PGAP1: variants seen among roughly 807,000 people sequenced by gnomAD.
The protein encoded by PGAP1 is post-GPI attachment to proteins inositol deacylase 1.
Under a neutral mutation model 127.0 loss-of-function variants are expected in PGAP1, and 76 were observed. The observed-to-expected ratio is 0.60, with a 90% confidence interval of 0.50 to 0.72. PGAP1 has a LOEUF of 0.72. Ranked by LOEUF, PGAP1 falls within the 30% of genes least tolerant of loss-of-function variation. PGAP1 has a pLI of 0.00. For missense variants in PGAP1, 982 were observed against 1,071.3 expected, an observed-to-expected ratio of 0.92 and a Z score of 1.16; for synonymous variants, 362 against 366.5, an observed-to-expected ratio of 0.99 and a Z score of 0.14.
chr2:196,901,999 T>C (rs1487034659), intron 5 of PGAP1, among the ~76,000 whole-genome samples: 2 of 152,132 alleles, frequency 1.3e-5, no homozygotes, highest in Non-Finnish European at 2.9e-5. Flanking sequence ...TCATCAAGTT[T>C]CTAAGATCCT....
chr2:196,912,795 C>T, intron 4 of PGAP1, 87 bp downstream of exon 4: 1 of 1,258,684 alleles, frequency 7.9e-7, no homozygotes, highest in Non-Finnish European at 1.1e-6. Context: ...AAATCTGTAG[C>T]ATACTCCTAG....
intron 19 of PGAP1, among the ~76,000 whole-genome samples, chr2:196,866,540 C>G (rs963057446): frequency 6.6e-6 from 1 of 152,092 alleles, no homozygotes; most frequent in Non-Finnish European, 1.5e-5. Context: ...CTAGGCAATA[C>G]CATTCAGGAC....
chr2:196,917,647 C>T (rs1437707431), intron 2 of PGAP1, among the ~76,000 whole-genome samples: 1 of 151,910 alleles, frequency 6.6e-6, no homozygotes, highest in East Asian at 1.9e-4. Flanking sequence ...CAAGGTTCAC[C>T]CATGTTGTGA....
In PGAP1 at chr2:196,922,577, GACACACACACACACAC is replaced by G. The variant is rs59881211; in HGVS notation, c.148-2443_148-2428del. On this transcript the variant is annotated intron_variant, in intron 1 of 26. Transcript: ENST00000354764. ...CATACTGCTAACACACACACACACA[GACACACACACACACAC>G]ACACACACACACACACACACACAAC... 70 of 388,364 alleles carry G rather than the reference GACACACACACACACAC, an allele frequency of 1.8e-4. No homozygotes were observed. In the Admixed American group the frequency reaches 2.6e-3, roughly 15 times the overall value. 24.1% of individuals were successfully genotyped at this position (388,364 alleles called of 1,614,324 possible). A position where few individuals can be genotyped will look rare whatever the true frequency, so the allele number is the denominator to read the frequency against.
chr2:196,888,046 T>TC (rs771312984), intron 10 of PGAP1, among the ~76,000 whole-genome samples: 1 of 152,220 alleles, frequency 6.6e-6, no homozygotes, highest in Non-Finnish European at 1.5e-5. Context: ...GAATTCTGAC[T>TC]CATTCATCAA....
rs898721882 is a variant in PGAP1 at position 196,844,450 on chromosome 2, A to C, written c.2337+74T>G. 6 of 652,118 alleles carry C rather than the reference A, an allele frequency of 9.2e-6. No homozygotes were observed. In the African/African-American group the frequency reaches 1.4e-4, roughly 15 times the overall value. 40.4% of individuals were successfully genotyped at this position (652,118 alleles called of 1,614,324 possible). On this transcript the variant is annotated intron_variant, in intron 24 of 26. Transcript: ENST00000354764. ...TTAAGCACTATGAAATACTAACCTT[A>C]AAAAAAAAAACTCTTATATTTCCCC...
chr2:196,847,848 T>A, intron 21 of PGAP1, 99 bp downstream of exon 21: 1 of 877,910 alleles, frequency 1.1e-6, no homozygotes. Flanking sequence ...ACAAGTCAAC[T>A]GCCAAATCTG....
At chr2:196,856,846 A>G (rs779949863) in intron 20 of PGAP1, among the ~76,000 whole-genome samples, 40 of 152,204 alleles carry the variant, frequency 2.6e-4, no homozygotes, top group Non-Finnish European at 5.3e-4. Flanking sequence ...GTTCAAAACT[A>G]TTATGCAAAC....
chr2:196,883,876 G>A (rs796705803), intron 12 of PGAP1, among the ~76,000 whole-genome samples: 25 of 152,224 alleles, frequency 1.6e-4, no homozygotes, highest in African/African-American at 6.0e-4. Context: ...CTCCTAAGCT[G>A]AGAACACACA....
At chr2:196,919,091 C>A (rs547245687) in intron 2 of PGAP1, among the ~76,000 whole-genome samples, 2 of 152,268 alleles carry the variant, frequency 1.3e-5, no homozygotes, top group South Asian at 4.1e-4. Flanking sequence ...CAAATGTCAT[C>A]TCCTCACAAT....
At chr2:196,885,801 T>G in intron 11 of PGAP1, 33 bp downstream of exon 11, 3 of 1,355,678 alleles carry the variant, frequency 2.2e-6, no homozygotes, top group South Asian at 2.1e-5. Flanking sequence ...TTGTTTATGT[T>G]GAGATAAATG....
Position 196,848,463 on chromosome 2 carries a change from A to AC in PGAP1, c.1862-427dup, listed in dbSNP as rs1173315744. ...AAAAGAAAGTTTTCTTTTAACTATT[A>AC]CCCCCCAAATTCCCATCCTTTGGCA... On this transcript the variant is annotated intron_variant, in intron 20 of 26. Coordinates refer to ENST00000354764, the MANE Select transcript of PGAP1 (RefSeq NM_024989.4). Among the ~76,000 whole-genome samples the AC allele has an allele frequency of 3.9e-5, 6 of 151,974 alleles. No homozygotes were observed. The East Asian group carries it at 9.7e-4, about 24-fold the overall frequency.
intron 10 of PGAP1, among the ~76,000 whole-genome samples, chr2:196,889,858 CAAAAAAAAAAA>C (rs979436427): frequency 1.1e-4 from 5 of 43,982 alleles, no homozygotes; most frequent in Admixed American, 9.1e-4. Context: ...GACTCCGTCT[CAAAAAAAAAAA>C]AAAAAAAAAG....
intron 4 of PGAP1, among the ~76,000 whole-genome samples, chr2:196,911,855 T>C (rs55791362): frequency 6.6e-6 from 1 of 152,156 alleles, no homozygotes; most frequent in Non-Finnish European, 1.5e-5. Context: ...AACTCCTACT[T>C]TTCATTCAAA....
intron 7 of PGAP1, among the ~76,000 whole-genome samples, chr2:196,893,988 T>G (rs16859242): frequency 0.017 from 2,543 of 152,294 alleles, 75 homozygotes; most frequent in African/African-American, 0.058. Flanking sequence ...CCAGGTCTAC[T>G]AAACCTTTCC....
chr2:196,922,032 C>T (rs1397030033), intron 1 of PGAP1: 11 of 614,098 alleles, frequency 1.8e-5, no homozygotes, highest in Non-Finnish European at 2.4e-5. Context: ...AGCAGGACTC[C>T]AATATAAATT....
rs535593204 is a variant in PGAP1 at position 196,926,640 on chromosome 2, C to T, written c.-24G>A. ...ATGGTGCCGCCACCACCGCCGCCGC[C>T]GCCGCCGCCCCCTCTACCTCCTTCT... On this transcript the variant is annotated 5_prime_UTR_variant, in exon 1 of 27. Coordinates refer to ENST00000354764, the MANE Select transcript of PGAP1 (RefSeq NM_024989.4). 5.0e-5 allele frequency: 81 copies of T among 1,613,080 alleles called. 1 individual carries two copies. The East Asian group carries it at 1.6e-3, about 31-fold the overall frequency.
At chr2:196,868,990 T>A (rs1219551610) in intron 19 of PGAP1, among the ~76,000 whole-genome samples, 5 of 152,130 alleles carry the variant, frequency 3.3e-5, no homozygotes, top group Non-Finnish European at 5.9e-5. Context: ...ATTTTTTTAA[T>A]TTTTTTATAG....
In PGAP1 at chr2:196,838,235, T is replaced by C. The variant is rs1183603433; in HGVS notation, c.*2999A>G. The stretch of plus-strand genomic sequence containing the variant: ...CAAAACTTACTCATAACTCAATTGC[T>C]AAATTAGAAGGCATAACAGTTGCTG... On this transcript the variant is annotated 3_prime_UTR_variant, in exon 27 of 27. Coordinates refer to ENST00000354764, the MANE Select transcript of PGAP1 (RefSeq NM_024989.4). The C allele has an allele frequency of 6.6e-6, 1 of 152,216 alleles. No homozygotes were observed. Among genetic ancestry groups the C allele is most frequent in the African/African-American group, 2.4e-5 (1 of 41,458 alleles). The allele number at this position is 152,216 out of a possible 1,614,324, so 9.4% of individuals were successfully genotyped here.
Sources: gnomAD v4.1 joint callset for allele counts (sites outside exome capture counted in the v4.1 genomes callset) on GRCh38, gnomAD v4.1.1 for gene constraint, MANE v1.5 for transcripts, NCBI Gene and HGNC (gene_info 2026-07-23, HGNC 2026-07-21) for gene names.